Variants in PDE1C observed in about 807,000 individuals in gnomAD.
PDE1C encodes phosphodiesterase 1C.
A neutral mutation model predicts 93.1 loss-of-function variants in PDE1C; 62 were observed. That is an observed-to-expected ratio of 0.67 (90% CI 0.54 to 0.82). The LOEUF (loss-of-function observed/expected upper bound fraction) is 0.82. Ranked by LOEUF, PDE1C falls within the 40% of genes least tolerant of loss-of-function variation. The probability of loss-of-function intolerance (pLI) is 0.00; values close to 1 mark genes in which losing one functional copy is unlikely to be tolerated. For missense variants in PDE1C, 742 were observed against 884.6 expected (o/e 0.84, Z 2.04); for synonymous variants, 325 against 310.1 (o/e 1.05, Z -0.50).
chr7:32,247,243 G>GTTCGACTTACAATTTTTCAATGCTGCAA lies in PDE1C; in HGVS notation c.86-37705_86-37704insTTGCAGCATTGAAAAATTGTAAGTCGAA, dbSNP rs1169251177. ...TGACTAGAGAGGTTTTGTGCGAATT[G>GTTCGACTTACAATTTTTCAATGCTGCAA]AAGCAGTGGCCACAGACCAGGTCTT... On this transcript the variant is annotated intron_variant, in intron 1 of 18. Coordinates refer to the PDE1C transcript ENST00000396193. Among the ~76,000 whole-genome samples, 473 of 124,696 alleles carry GTTCGACTTACAATTTTTCAATGCTGCAA rather than the reference G, an allele frequency of 3.8e-3. 31 individuals are homozygous for GTTCGACTTACAATTTTTCAATGCTGCAA. The highest frequency in any genetic ancestry group is 5.0e-3 in the East Asian group (20 of 4,020). 81.8% of individuals were successfully genotyped at this position (124,696 alleles called of 152,430 possible).
At chr7:32,103,862 A>T (rs558198922) in intron 3 of PDE1C, among the ~76,000 whole-genome samples, 2 of 152,294 alleles carry the variant, frequency 1.3e-5, no homozygotes, top group East Asian at 3.9e-4. Flanking sequence ...CAAGAATAGG[A>T]TGCTACCCAA....
chr7:31,707,204 G>T, the PDE1C span: 1 of 1,613,448 alleles, frequency 6.2e-7, no homozygotes, highest in Non-Finnish European at 8.5e-7. Context: ...TGTTTTGCAG[G>T]TGTGACATTG....
intron 14 of PDE1C, among the ~76,000 whole-genome samples, chr7:31,818,044 A>G (rs1470268631): frequency 6.6e-6 from 1 of 152,162 alleles, no homozygotes; most frequent in African/African-American, 2.4e-5. Flanking sequence ...GAGGGGCAAG[A>G]ATAGGATAGT....
intron 2 of PDE1C, among the ~76,000 whole-genome samples, chr7:32,189,053 T>C (rs1463109304): frequency 6.6e-6 from 1 of 152,210 alleles, no homozygotes; most frequent in Non-Finnish European, 1.5e-5. Context: ...CTTATCCAAC[T>C]GATGTGCACA....
At chr7:32,251,483 C>T (rs1809376050) in intron 1 of PDE1C, among the ~76,000 whole-genome samples, 1 of 152,150 alleles carries the variant, frequency 6.6e-6, no homozygotes, top group Non-Finnish European at 1.5e-5. Context: ...TCAATTCCGC[C>T]TCTAGCCTGT....
At chr7:32,254,351 G>A (rs1809628559) in intron 1 of PDE1C, among the ~76,000 whole-genome samples, 1 of 152,134 alleles carries the variant, frequency 6.6e-6, no homozygotes, top group Non-Finnish European at 1.5e-5. Context: ...ACAGGTCCAG[G>A]AAACAAGTCC....
chr7:31,897,755 T>C (rs917306272), intron 2 of PDE1C, among the ~76,000 whole-genome samples: 2 of 152,214 alleles, frequency 1.3e-5, no homozygotes, highest in Non-Finnish European at 2.9e-5. Flanking sequence ...GGATTGTTTT[T>C]CCTGAATAAA....
intron 2 of PDE1C, among the ~76,000 whole-genome samples, chr7:31,932,026 G>GA (rs1157318112): frequency 6.6e-6 from 1 of 152,158 alleles, no homozygotes; most frequent in Non-Finnish European, 1.5e-5. Context: ...GCAGAAAACT[G>GA]AAACTGGACC....
chr7:32,111,886 T>A (rs986941070), intron 3 of PDE1C, among the ~76,000 whole-genome samples: 2 of 152,194 alleles, frequency 1.3e-5, no homozygotes, highest in African/African-American at 4.8e-5. Context: ...CAAGATAATA[T>A]AGATGGTCAA....
At chr7:31,677,336 A>T in the PDE1C span, among the ~76,000 whole-genome samples, 1 of 152,216 alleles carries the variant, frequency 6.6e-6, no homozygotes, top group Non-Finnish European at 1.5e-5. Context: ...CCAAAACTTG[A>T]AAAAGAATAC....
chr7:31,788,450 C>G (rs1157839176), intron 16 of PDE1C: 1 of 152,128 alleles, frequency 6.6e-6, no homozygotes, highest in Non-Finnish European at 1.5e-5. Context: ...TTGGAGAGAG[C>G]TTATATCAAA....
At chr7:31,773,996 G>C (rs6965818) in intron 17 of PDE1C, among the ~76,000 whole-genome samples, 47,688 of 152,088 alleles carry the variant, frequency 0.31, 7,723 homozygotes, top group Admixed American at 0.37. Context: ...AAAGTTCAAG[G>C]GTTATTCGGC....
chr7:32,077,007 C>A (rs1042876691), intron 3 of PDE1C, among the ~76,000 whole-genome samples: 1 of 151,238 alleles, frequency 6.6e-6, no homozygotes, highest in African/African-American at 2.4e-5. Flanking sequence ...GAGGCCGAGG[C>A]AGGCAGATTG....
chr7:32,211,941 A>G (rs1391784896), intron 1 of PDE1C, among the ~76,000 whole-genome samples: 2 of 150,068 alleles, frequency 1.3e-5, no homozygotes, highest in Non-Finnish European at 3.0e-5. Context: ...CAGAAGGATC[A>G]CTTGAGCCCA....
At chr7:32,412,660 C>G (rs1340482773) in intron 1 of PDE1C, among the ~76,000 whole-genome samples, 1 of 151,704 alleles carries the variant, frequency 6.6e-6, no homozygotes, top group Non-Finnish European at 1.5e-5. Context: ...TTTTTCAACT[C>G]GATTAGCATC....
intron 7 of PDE1C, among the ~76,000 whole-genome samples, chr7:31,854,837 T>A (rs914464915): frequency 3.9e-5 from 6 of 151,952 alleles, no homozygotes; most frequent in African/African-American, 1.2e-4. Context: ...GAGGCCAAGG[T>A]GGGTGGATCA....
chr7:32,380,436 CAG>C (rs1784512394), intron 1 of PDE1C, among the ~76,000 whole-genome samples: 1 of 139,044 alleles, frequency 7.2e-6, no homozygotes, highest in Non-Finnish European at 1.5e-5. Context: ...TTAGTAGAGA[CAG>C]GGTTCCACAT....
At chr7:32,330,965 G>A (rs1023138195) in intron 1 of PDE1C, among the ~76,000 whole-genome samples, 1 of 152,092 alleles carries the variant, frequency 6.6e-6, no homozygotes, top group Non-Finnish European at 1.5e-5. Context: ...CTCCTCCTCT[G>A]TCTCCTTGGG....
intron 1 of PDE1C, among the ~76,000 whole-genome samples, chr7:32,260,492 T>G (rs958395080): frequency 1.3e-5 from 2 of 152,156 alleles, no homozygotes; most frequent in African/African-American, 4.8e-5. Context: ...ATTCTTTGTT[T>G]CATGAGCAGA....
Sources: gnomAD v4.1 joint callset for allele counts (sites outside exome capture counted in the v4.1 genomes callset) on GRCh38, gnomAD v4.1.1 for gene constraint, MANE v1.5 for transcripts, NCBI Gene and HGNC (gene_info 2026-07-23, HGNC 2026-07-21) for gene names.